PSMB1: variants seen among roughly 807,000 people sequenced by gnomAD.
PSMB1 encodes proteasome subunit beta type-1.
A neutral mutation model predicts 25.4 loss-of-function variants in PSMB1; 7 were observed. That is an observed-to-expected ratio of 0.28 (90% CI 0.16 to 0.52). PSMB1 has a LOEUF of 0.52. Among genes scored for constraint, PSMB1 ranks in the 20% least tolerant of loss-of-function variants. PSMB1 has a pLI of 0.97. For missense variants in PSMB1, 284 were observed against 302.2 expected (o/e 0.94, Z 0.45); for synonymous variants, 119 against 115.0 (o/e 1.03, Z -0.22).
At chr6:170,545,939 AC>A (rs1778811603) in intron 3 of PSMB1, among the ~76,000 whole-genome samples, 163 bp downstream of exon 3, 1 of 152,202 alleles carries the variant, frequency 6.6e-6, no homozygotes, top group South Asian at 2.1e-4. Context: ...TACTTTAATG[AC>A]CCTGCATTAA....
At chr6:170,545,162 T>A (rs1398848630) in intron 3 of PSMB1, among the ~76,000 whole-genome samples, 2 of 149,082 alleles carry the variant, frequency 1.3e-5, no homozygotes, top group East Asian at 2.0e-4. Context: ...AAAAAAAAAA[T>A]TTCATTCCAT....
chr6:170,549,040 T>G lies in PSMB1; in HGVS notation c.187A>C (p.Ile63Leu). ...SDTRLSEGFSIHTRDSPKCYK... is the reference protein window; with the variant it reads ...SDTRLSEGFSLHTRDSPKCYK... Reference sequence around the variant, plus strand: ...CATTTGGGGCTATCCCGCGTATGAATTGAAAACCCTTCACTCAATCGAGTA... The same window carrying G: ...CATTTGGGGCTATCCCGCGTATGAAGTGAAAACCCTTCACTCAATCGAGTA... Residue 63 changes from isoleucine (I) to leucine (L), a missense_variant, in exon 2 of 6, where the codon ATT becomes CTT. Physicochemically the swap from Ile to Leu is conservative, Grantham distance 5. Coordinates refer to ENST00000262193, the MANE Select transcript of PSMB1 (RefSeq NM_002793.4). The G allele has an allele frequency of 6.2e-7, 1 of 1,613,542 alleles. No individual in the cohort carries two copies. The highest frequency in any genetic ancestry group is 8.5e-7 in the Non-Finnish European group (1 of 1,179,494).
rs749244705 is a variant in PSMB1, at chr6:170,553,294, T to G, written c.-52A>C. The G allele has an allele frequency of 8.7e-6, 12 of 1,381,866 alleles. No homozygotes were observed. The highest frequency in any genetic ancestry group is 2.4e-5 in the East Asian group (1 of 41,440). The allele number at this position is 1,381,866 out of a possible 1,614,324, so 85.6% of individuals were successfully genotyped here. A position where few individuals can be genotyped will look rare whatever the true frequency, so the allele number is the denominator to read the frequency against. ...ACTTGCTGTCTCACGGCGAGATGGC[T>G]GCCTTGACCGGACGTTACGCCACTT... On this transcript the variant is annotated 5_prime_UTR_variant, in exon 1 of 6. Coordinates refer to ENST00000262193, the MANE Select transcript of PSMB1 (RefSeq NM_002793.4).
intron 1 of PSMB1, among the ~76,000 whole-genome samples, chr6:170,551,156 AAGG>A (rs1461728739): frequency 2.0e-5 from 3 of 152,014 alleles, no homozygotes; most frequent in Non-Finnish European, 4.4e-5. Context: ...AATAAGAAGA[AAGG>A]AGAAGAGGAG....
chr6:170,543,535 G>A, intron 4 of PSMB1, 66 bp downstream of exon 4: 2 of 1,411,272 alleles, frequency 1.4e-6, no homozygotes, highest in East Asian at 2.3e-5. Flanking sequence ...AACTCTAGAT[G>A]GATACACACA....
intron 1 of PSMB1, among the ~76,000 whole-genome samples, chr6:170,550,854 A>G (rs1778885652): frequency 7.9e-6 from 1 of 127,300 alleles, no homozygotes; most frequent in Non-Finnish European, 1.6e-5. Context: ...AAAGGAGAGG[A>G]GGCCGGGCAC....
chr6:170,547,611 T>C (rs1038748907), intron 2 of PSMB1, among the ~76,000 whole-genome samples: 1 of 152,170 alleles, frequency 6.6e-6, no homozygotes, highest in Admixed American at 6.5e-5. Context: ...TCCAATCCCC[T>C]ATAAGGCTTT....
At chr6:170,547,467 C>T (rs1778833427) in intron 2 of PSMB1, among the ~76,000 whole-genome samples, 1 of 152,178 alleles carries the variant, frequency 6.6e-6, no homozygotes, top group African/African-American at 2.4e-5. Flanking sequence ...CCACACAATT[C>T]CTCTTGGAAA....
intron 2 of PSMB1, among the ~76,000 whole-genome samples, chr6:170,548,048 A>G (rs1262901181): frequency 6.6e-6 from 1 of 152,208 alleles, no homozygotes; most frequent in Non-Finnish European, 1.5e-5. Context: ...TGAGGAGAAA[A>G]AAAGGTAACA....
intron 5 of PSMB1, among the ~76,000 whole-genome samples, chr6:170,535,888 G>A (rs192672272): frequency 6.6e-6 from 1 of 152,340 alleles, no homozygotes; most frequent in African/African-American, 2.4e-5. Flanking sequence ...GGGTCTGGGT[G>A]TAGTGGGGTG....
chr6:170,545,849 G>A (rs1778810351), intron 3 of PSMB1, among the ~76,000 whole-genome samples: 1 of 152,150 alleles, frequency 6.6e-6, no homozygotes, highest in Non-Finnish European at 1.5e-5. Context: ...CTCCTCCCAG[G>A]CTCCTTCTAA....
chr6:170,535,488 G>C, intron 5 of PSMB1, 83 bp from the exon 6 acceptor site: 1 of 1,175,940 alleles, frequency 8.5e-7, no homozygotes, highest in Non-Finnish European at 1.2e-6. Flanking sequence ...ATACCCTCAT[G>C]TGTACGAGGA....
rs932583117 is a variant in PSMB1 at position 170,540,863 on chromosome 6, A to C, written c.433+2738T>G. On this transcript the variant is annotated intron_variant, in intron 4 of 5. Coordinates refer to ENST00000262193, the MANE Select transcript of PSMB1 (RefSeq NM_002793.4). ...AGTAGAACAAAAAAGACAGACATGG[A>C]TAACATGGGGAGTCAAAAATAAAGT... 6.6e-5 allele frequency among the ~76,000 whole-genome samples: 10 copies of C among 152,138 alleles called. No homozygotes were observed. In the East Asian group the frequency reaches 1.9e-3, roughly 29 times the overall value.
At chr6:170,546,352 T>C (rs1467253171) in intron 2 of PSMB1, among the ~76,000 whole-genome samples, 168 bp from the exon 3 acceptor site, 1 of 152,196 alleles carries the variant, frequency 6.6e-6, no homozygotes, top group Non-Finnish European at 1.5e-5. Flanking sequence ...TACCCCTTAT[T>C]CCAGATGAAT....
At chr6:170,541,429 G>T (rs1778757858) in intron 4 of PSMB1, among the ~76,000 whole-genome samples, 1 of 152,296 alleles carries the variant, frequency 6.6e-6, no homozygotes, top group Non-Finnish European at 1.5e-5. Context: ...GTTACCAAAA[G>T]TGTAATGTGT....
chr6:170,549,082 C>A lies in PSMB1; in HGVS notation c.145G>T (p.Ala49Ser). The A allele has an allele frequency of 6.2e-7, 1 of 1,613,576 alleles. No homozygotes were observed. The highest frequency in any genetic ancestry group is 8.5e-7 in the Non-Finnish European group (1 of 1,179,724). The stretch of plus-strand genomic sequence containing the variant: ...AATCGAGTATCAGAAGCAACAATTG[C>A]AAAATCTTCTCCAGCAATTGCCAGT... ...TILAIAGEDF[A>S]IVASDTRLSE... Residue 49 changes from alanine to serine, a missense_variant, in exon 2 of 6, where the codon GCA becomes TCA. Physicochemically the swap from Ala to Ser is moderately conservative, Grantham distance 99. Transcript: ENST00000262193.
chr6:170,536,244 G>A (rs1778690601), intron 5 of PSMB1: 1 of 356,992 alleles, frequency 2.8e-6, no homozygotes, highest in Non-Finnish European at 5.5e-6. Context: ...TAAGAGAAAG[G>A]TATGCCACAA....
At chr6:170,542,764 G>T (rs903000439) in intron 4 of PSMB1, among the ~76,000 whole-genome samples, 1 of 152,156 alleles carries the variant, frequency 6.6e-6, no homozygotes, top group African/African-American at 2.4e-5. Context: ...TACTTTTAGG[G>T]CAACTTCAGC....
intron 5 of PSMB1, 54 bp from the exon 6 acceptor site, chr6:170,535,459 A>G: frequency 1.3e-6 from 2 of 1,485,676 alleles, no homozygotes; most frequent in Admixed American, 1.9e-5. Flanking sequence ...GCACAAAGGA[A>G]AGGTTCAAGT....
Sources: gnomAD v4.1 joint callset for allele counts (sites outside exome capture counted in the v4.1 genomes callset) on GRCh38, gnomAD v4.1.1 for gene constraint, MANE v1.5 for transcripts, NCBI Gene and HGNC (gene_info 2026-07-23, HGNC 2026-07-21) for gene names.